Variants in GRID1 observed in about 807,000 individuals in gnomAD.
GRID1 encodes glutamate ionotropic receptor delta type subunit 1.
Under a neutral mutation model 98.0 loss-of-function variants are expected in GRID1, and 28 were observed. That is an observed-to-expected ratio of 0.29 (90% CI 0.21 to 0.39). GRID1 has a LOEUF of 0.39. Ranked by LOEUF, GRID1 falls within the 10% of genes least tolerant of loss-of-function variation. The pLI is 1.00. For missense variants in GRID1, 1,111 were observed against 1,340.5 expected (o/e 0.83, Z 2.67); for synonymous variants, 553 against 538.5 (o/e 1.03, Z -0.37).
Position 86,143,982 on chromosome 10 carries a change from C to G in GRID1, c.521-4958G>C, listed in dbSNP as rs991543762. On this transcript the variant is annotated intron_variant, in intron 3 of 15. Coordinates refer to ENST00000327946, the MANE Select transcript of GRID1 (RefSeq NM_017551.3). ...CCCCATCACCAGGCCTTCTCAATAC[C>G]CAAGCCTGCCGGAGTCCTGCCAGCA... is the stretch of plus-strand genomic sequence containing the variant. 2.6e-5 allele frequency among the ~76,000 whole-genome samples: 4 copies of G among 152,142 alleles called. 1 individual carries two copies. Among genetic ancestry groups the G allele is most frequent in the African/African-American group, 4.8e-5 (2 of 41,426 alleles).
intron 2 of GRID1, among the ~76,000 whole-genome samples, chr10:86,273,069 C>A (rs928521814): frequency 6.6e-6 from 1 of 151,922 alleles, no homozygotes; most frequent in Non-Finnish European, 1.5e-5. Context: ...CCACTCCCCC[C>A]ACCCCACAAC....
At chr10:86,137,268 A>T (rs1204227548) in intron 4 of GRID1, among the ~76,000 whole-genome samples, 1 of 152,250 alleles carries the variant, frequency 6.6e-6, no homozygotes, top group African/African-American at 2.4e-5. Flanking sequence ...GCTTTATCAT[A>T]GCTGTCTCCT....
chr10:85,898,813 C>T (rs72842947), intron 5 of GRID1, among the ~76,000 whole-genome samples: 6,009 of 152,162 alleles, frequency 0.039, 269 homozygotes, highest in East Asian at 0.19. Flanking sequence ...TAACTTTCTT[C>T]TTTGTAACTA....
chr10:86,228,187 G>A (rs940821950), intron 2 of GRID1, among the ~76,000 whole-genome samples: 3 of 150,916 alleles, frequency 2.0e-5, no homozygotes, highest in Non-Finnish European at 3.0e-5. Context: ...GTAGGTGGGT[G>A]GATGGATGTG....
chr10:85,925,017 AT>A (rs757718762), intron 4 of GRID1, among the ~76,000 whole-genome samples: 2 of 152,236 alleles, frequency 1.3e-5, no homozygotes, highest in Non-Finnish European at 2.9e-5. Flanking sequence ...CATGTGGACA[AT>A]TTATAAGGAA....
At chr10:86,143,058 T>C (rs1845032529) in intron 3 of GRID1, among the ~76,000 whole-genome samples, 1 of 152,188 alleles carries the variant, frequency 6.6e-6, no homozygotes, top group Non-Finnish European at 1.5e-5. Flanking sequence ...TTACGATCCA[T>C]CAGAGACAGT....
chr10:86,001,543 C>T (rs1842802430), intron 4 of GRID1, among the ~76,000 whole-genome samples: 1 of 152,162 alleles, frequency 6.6e-6, no homozygotes, highest in Admixed American at 6.5e-5. Flanking sequence ...TGCTGTTCTT[C>T]AATCTTTCTT....
At chr10:85,934,976 T>C (rs1564630419) in intron 4 of GRID1, among the ~76,000 whole-genome samples, 1 of 152,176 alleles carries the variant, frequency 6.6e-6, no homozygotes, top group Non-Finnish European at 1.5e-5. Context: ...CTAAAGAAAG[T>C]TCATGTCATG....
chr10:85,750,532 TA>T (rs1590216283), intron 8 of GRID1, among the ~76,000 whole-genome samples: 2 of 152,284 alleles, frequency 1.3e-5, no homozygotes, highest in African/African-American at 4.8e-5. Flanking sequence ...TCTAATAACA[TA>T]AAAAGCAAGT....
At chr10:85,720,197 TA>T (rs1286709420) in intron 12 of GRID1, among the ~76,000 whole-genome samples, 1 of 152,234 alleles carries the variant, frequency 6.6e-6, no homozygotes, top group Non-Finnish European at 1.5e-5. Flanking sequence ...CTTTGTTATT[TA>T]TTAATTATTA....
At chr10:85,872,485 C>T (rs573390308) in intron 5 of GRID1, among the ~76,000 whole-genome samples, 232 of 152,276 alleles carry the variant, frequency 1.5e-3, no homozygotes, top group Non-Finnish European at 2.7e-3. Context: ...GCACTGAGCT[C>T]TCCCCACTAC....
intron 12 of GRID1, among the ~76,000 whole-genome samples, chr10:85,662,524 T>G (rs1442795754): frequency 1.3e-5 from 2 of 152,046 alleles, no homozygotes; most frequent in South Asian, 4.1e-4. Context: ...GCACACTGGA[T>G]CCCCAGCTCC....
rs199705732 is a variant in GRID1 at position 86,092,943 on chromosome 10, C to T, written c.726+45876G>A. ...CAACCGCAGAATACACATTCAACAG[C>T]GCATGGAACTTTTTCCAAGATAGAC... On this transcript the variant is annotated intron_variant, in intron 4 of 15. Coordinates refer to ENST00000327946, the MANE Select transcript of GRID1 (RefSeq NM_017551.3). Among the ~76,000 whole-genome samples the T allele has an allele frequency of 3.3e-5, 5 of 152,070 alleles. No individual in the cohort carries two copies. In the East Asian group the frequency reaches 7.7e-4, roughly 23 times the overall value.
chr10:85,709,130 G>A (rs1841555346), intron 12 of GRID1: 1 of 341,850 alleles, frequency 2.9e-6, no homozygotes, highest in Non-Finnish European at 5.9e-6. Flanking sequence ...TACCAGCAAT[G>A]TGTCAGGTGC....
rs563958601 is a variant in GRID1 at position 86,355,611 on chromosome 10, C to T, written c.235+8330G>A. On this transcript the variant is annotated intron_variant, in intron 2 of 15. Coordinates refer to ENST00000327946, the MANE Select transcript of GRID1 (RefSeq NM_017551.3). ...TCTCATACCCTCCAGACCACTCTGCCCACACCTCAGGCCCAGAAAGGGGAA... is the reference window on the plus strand; with the variant it reads ...TCTCATACCCTCCAGACCACTCTGCTCACACCTCAGGCCCAGAAAGGGGAA... 2.0e-5 allele frequency among the ~76,000 whole-genome samples: 3 copies of T among 152,342 alleles called. No homozygotes were observed. The East Asian group carries it at 5.8e-4, about 29-fold the overall frequency.
In GRID1 at chr10:85,681,974, A is replaced by G. The variant is rs116010853; in HGVS notation, c.1998-34577T>C. Among the ~76,000 whole-genome samples, 888 of 152,070 alleles carry G rather than the reference A, an allele frequency of 5.8e-3. 14 individuals are homozygous for G. Among genetic ancestry groups the G allele is most frequent in the African/African-American group, 0.021 (851 of 41,468 alleles). ...ATGCACCAGCAAACACTGAGAGAGC[A>G]CCTGTCCCACCCCTCATGTCTTGGA... On this transcript the variant is annotated intron_variant, in intron 12 of 15. Coordinates refer to ENST00000327946, the MANE Select transcript of GRID1 (RefSeq NM_017551.3).
chr10:85,656,848 C>G (rs534056476), intron 12 of GRID1, among the ~76,000 whole-genome samples: 2 of 152,298 alleles, frequency 1.3e-5, no homozygotes, highest in African/African-American at 4.8e-5. Flanking sequence ...CCACCTTTAA[C>G]CCCTACAGCT....
intron 4 of GRID1, among the ~76,000 whole-genome samples, chr10:85,947,149 GC>G (rs1842063861): frequency 6.6e-6 from 1 of 152,148 alleles, no homozygotes; most frequent in African/African-American, 2.4e-5. Context: ...TGCATTCTCT[GC>G]CCCCACACAG....
chr10:86,085,193 G>A lies in GRID1; in HGVS notation c.726+53626C>T, dbSNP rs995044507. On this transcript the variant is annotated intron_variant, in intron 4 of 15. Coordinates refer to ENST00000327946, the MANE Select transcript of GRID1 (RefSeq NM_017551.3). ...GAGACACCTACCTTTGGAGTGAGCAGGAAAAACCCCTCCAGGAATAGCTGG... is the reference window on the plus strand; with the variant it reads ...GAGACACCTACCTTTGGAGTGAGCAAGAAAAACCCCTCCAGGAATAGCTGG... Among the ~76,000 whole-genome samples, 24 of 152,284 alleles carry A rather than the reference G, an allele frequency of 1.6e-4. 1 individual carries two copies. The highest frequency in any genetic ancestry group is 6.8e-3 in the Middle Eastern group (2 of 294).
Sources: gnomAD v4.1 joint callset for allele counts (sites outside exome capture counted in the v4.1 genomes callset) on GRCh38, gnomAD v4.1.1 for gene constraint, MANE v1.5 for transcripts, NCBI Gene and HGNC (gene_info 2026-07-23, HGNC 2026-07-21) for gene names.